Variants in HIP1 observed in about 807,000 individuals in gnomAD.
HIP1 encodes huntingtin-interacting protein 1.
HIP1 carries 65 observed loss-of-function variants against 147.6 expected under a neutral mutation model. That is an observed-to-expected ratio of 0.44 (90% CI 0.36 to 0.54). HIP1 has a LOEUF of 0.54. Ranked by LOEUF, HIP1 falls within the 20% of genes least tolerant of loss-of-function variation. The pLI, the probability that HIP1 is intolerant of heterozygous loss-of-function variation, is 0.00. For missense variants in HIP1, 1,061 were observed against 1,299.6 expected (o/e 0.82, Z 2.82); for synonymous variants, 479 against 504.0 (o/e 0.95, Z 0.67).
chr7:75,616,055 C>A (rs781902006), intron 1 of HIP1, among the ~76,000 whole-genome samples: 4 of 122,198 alleles, frequency 3.3e-5, no homozygotes, highest in Non-Finnish European at 6.3e-5. Context: ...CACTGCACTC[C>A]AGCCTGGGCG....
At chr7:75,713,135 C>A (rs2240139) in intron 1 of HIP1, among the ~76,000 whole-genome samples, 82,206 of 152,004 alleles carry the variant, frequency 0.54, 22,813 homozygotes, top group African/African-American at 0.65. Context: ...CTTGGAAGGG[C>A]ACAAAGTGAG....
Position 75,535,798 on chromosome 7 carries a change from G to C in HIP1, c.*2374C>G, listed in dbSNP as rs190999117. 1.2e-3 allele frequency: 206 copies of C among 170,400 alleles called. No homozygotes were observed. Among genetic ancestry groups the C allele is most frequent in the African/African-American group, 4.7e-3 (198 of 41,850 alleles). The allele number at this position is 170,400 out of a possible 1,614,324, so 10.6% of individuals were successfully genotyped here. A position where few individuals can be genotyped will look rare whatever the true frequency, so the allele number is the denominator to read the frequency against. On this transcript the variant is annotated 3_prime_UTR_variant, in exon 31 of 31. Transcript: ENST00000336926. ...GTGATCTCAGCTCACTGCAACCTCT[G>C]CCTCTGGGGTTCAGGTGATTCTCCT...
intron 1 of HIP1, among the ~76,000 whole-genome samples, chr7:75,660,797 C>G (rs1401736441): frequency 6.6e-6 from 1 of 152,108 alleles, no homozygotes; most frequent in Non-Finnish European, 1.5e-5. Context: ...AAAAAACCAA[C>G]AATACCGCCA....
At chr7:75,571,644 A>G (rs1554496654) in intron 8 of HIP1, among the ~76,000 whole-genome samples, 1 of 152,150 alleles carries the variant, frequency 6.6e-6, no homozygotes, top group Non-Finnish European at 1.5e-5. Flanking sequence ...GTGCAGTGGC[A>G]CAAACACAGC....
intron 1 of HIP1, among the ~76,000 whole-genome samples, chr7:75,703,840 C>T (rs1554519408): frequency 6.6e-6 from 1 of 152,136 alleles, no homozygotes; most frequent in East Asian, 1.9e-4. Flanking sequence ...ATGGGATAAA[C>T]AAATCAGCTC....
chr7:75,598,071 T>C (rs117449989), intron 2 of HIP1, among the ~76,000 whole-genome samples: 2,184 of 152,228 alleles, frequency 0.014, 109 homozygotes, highest in Admixed American at 0.085. Context: ...TTCACGAAGG[T>C]AGAGAGCCCC....
At chr7:75,700,368 C>G in intron 1 of HIP1, among the ~76,000 whole-genome samples, 1 of 152,238 alleles carries the variant, frequency 6.6e-6, no homozygotes, top group Middle Eastern at 3.4e-3. Flanking sequence ...ACTTGGGAAA[C>G]CTTTTCTGTG....
intron 1 of HIP1, among the ~76,000 whole-genome samples, chr7:75,664,881 A>G (rs537978919): frequency 1.3e-5 from 2 of 152,206 alleles, no homozygotes; most frequent in African/African-American, 4.8e-5. Flanking sequence ...TTGGCCTCCC[A>G]AAGTGCTGGG....
rs587722969 is a variant in HIP1 at position 75,611,786 on chromosome 7, A to G, written c.121-12539T>C. ...CTCCCCTGAAAGGGTGGCATTGTCCACCACTTCCTGACCCAGCAGGCCCTC... is the reference window on the plus strand; with the variant it reads ...CTCCCCTGAAAGGGTGGCATTGTCCGCCACTTCCTGACCCAGCAGGCCCTC... On this transcript the variant is annotated intron_variant, in intron 1 of 30. Coordinates refer to ENST00000336926, the MANE Select transcript of HIP1 (RefSeq NM_005338.7). The G allele has an allele frequency of 2.9e-6, 3 of 1,037,222 alleles. No homozygotes were observed. The East Asian group carries it at 1.8e-4, about 61-fold the overall frequency. The allele number at this position is 1,037,222 out of a possible 1,614,324, so 64.3% of individuals were successfully genotyped here.
rs1056641621 is a variant in HIP1 at position 75,539,356 on chromosome 7, C to T, written c.3028G>A (p.Glu1010Lys). 9 of 1,613,986 alleles carry T rather than the reference C, an allele frequency of 5.6e-6. No homozygotes were observed. The highest frequency in any genetic ancestry group is 3.3e-5 in the South Asian group (3 of 91,094). Residue 1010 changes from glutamate (E) to lysine (K), a missense_variant, in exon 30 of 31, where the codon GAG (glutamate) becomes AAG (lysine). Around this residue, in one of 3 missense-constraint regions of HIP1, gnomAD observed 810 missense variants for 946.8 expected, o/e 0.86. Coordinates refer to ENST00000336926, the MANE Select transcript of HIP1 (RefSeq NM_005338.7). ...CAGCCCTCAGCAACACCAGCAAGCT[C>T]GTAGTGCTTTTTCCGAAGCTCTCCC... The part of the protein sequence containing the change: ...KLGELRKKHY[E>K]LAGVAEGWEE...
Position 75,715,774 on chromosome 7 carries a change from C to CAAAAAAAAAAAA in HIP1, c.120+23015_120+23026dup, listed in dbSNP as rs34769081. ...TAGGCAACAGAGTGAGATCCTGTCTCAAAAAAAAAAAAAAAAAAAAAAAAA... is the reference window on the plus strand; with the variant it reads ...TAGGCAACAGAGTGAGATCCTGTCTCAAAAAAAAAAAAAAAAAAAAAAAAAAAAAAAAAAAAA... On this transcript the variant is annotated intron_variant, in intron 1 of 30. Transcript: ENST00000336926. 5.3e-3 allele frequency among the ~76,000 whole-genome samples: 196 copies of CAAAAAAAAAAAA among 36,702 alleles called. 19 individuals are homozygous for CAAAAAAAAAAAA. The highest frequency in any genetic ancestry group is 0.01 in the East Asian group (10 of 992). 24.1% of individuals were successfully genotyped at this position (36,702 alleles called of 152,430 possible). A position where few individuals can be genotyped will look rare whatever the true frequency, so the allele number is the denominator to read the frequency against.
chr7:75,686,629 C>G (rs1800270253), intron 1 of HIP1, among the ~76,000 whole-genome samples: 1 of 151,712 alleles, frequency 6.6e-6, no homozygotes, highest in Admixed American at 6.6e-5. Context: ...AACTGATGAC[C>G]ATTTATTTTC....
rs781844982 is a variant in HIP1, at chr7:75,548,982, A to G, written c.2315T>C (p.Leu772Pro). Reference sequence around the variant, plus strand: ...CCCCAGCTCCTCCTGCTTGATGTCCAGTCCCCTGGGCAGGAGCTCCTGTGA... The same window carrying G: ...CCCCAGCTCCTCCTGCTTGATGTCCGGTCCCCTGGGCAGGAGCTCCTGTGA... The part of the protein sequence containing the change: ...AIGEELLPRG[L>P]DIKQEELGDL... The change falls in exon 23 of 31, where the codon CTG becomes CCG. Residue 772 changes from leucine (L) to proline (P), a missense_variant. Physicochemically the swap from Leu to Pro is moderately conservative, Grantham distance 98 (BLOSUM62 -3). This residue lies in a region of HIP1 where 810 missense variants were observed against 946.8 expected (regional missense o/e 0.86). Transcript: ENST00000336926. 18 of 1,613,756 alleles carry G rather than the reference A, an allele frequency of 1.1e-5. No individual in the cohort carries two copies. The highest frequency in any genetic ancestry group is 1.7e-5 in the Admixed American group (1 of 60,000).
intron 1 of HIP1, among the ~76,000 whole-genome samples, chr7:75,695,016 G>A (rs984726134): frequency 3.9e-5 from 6 of 152,120 alleles, no homozygotes; most frequent in Non-Finnish European, 8.8e-5. Flanking sequence ...TTCTGAAATA[G>A]CACTGTCTTT....
rs531227552 is a variant in HIP1, at chr7:75,671,228, G to A, written c.120+67573C>T. The stretch of plus-strand genomic sequence containing the variant: ...CCTGCCTCAGCCTCCTGAGTAGCTG[G>A]TATTACAGGCACCCGCCACCATGCC... On this transcript the variant is annotated intron_variant, in intron 1 of 30. Transcript: ENST00000336926. 3.9e-5 allele frequency among the ~76,000 whole-genome samples: 6 copies of A among 152,160 alleles called. No individual in the cohort carries two copies. In the South Asian group the frequency reaches 1.2e-3, roughly 32 times the overall value.
In HIP1 at chr7:75,568,388, C is replaced by T; in HGVS notation, c.746-132G>A. 1.4e-6 allele frequency: 1 copy of T among 702,614 alleles called. No homozygotes were observed. The highest frequency in any genetic ancestry group is 2.6e-6 in the Non-Finnish European group (1 of 381,746). The allele number at this position is 702,614 out of a possible 1,614,324, so 43.5% of individuals were successfully genotyped here. A position where few individuals can be genotyped will look rare whatever the true frequency, so the allele number is the denominator to read the frequency against. On this transcript the variant is annotated intron_variant, in intron 8 of 30. Coordinates refer to ENST00000336926, the MANE Select transcript of HIP1 (RefSeq NM_005338.7). The surrounding 1 kb of genome is among the most constrained non-coding windows in gnomAD (Gnocchi z 4.1). ...CAGCACTGCCAGGGGCCACGACTGG[C>T]CTAGAGCTGTCCCGAGGTCTGGTAA... is the stretch of plus-strand genomic sequence containing the variant.
intron 1 of HIP1, among the ~76,000 whole-genome samples, chr7:75,684,062 T>A (rs1554517264): frequency 6.6e-6 from 1 of 151,818 alleles, no homozygotes; most frequent in African/African-American, 2.4e-5. Context: ...GAGGATTGCA[T>A]GAGACCAGGA....
chr7:75,600,275 T>C (rs1584861892), intron 1 of HIP1, among the ~76,000 whole-genome samples: 1 of 152,162 alleles, frequency 6.6e-6, no homozygotes, highest in East Asian at 1.9e-4. Flanking sequence ...CATGCCCAAC[T>C]AATTTTTGTA....
chr7:75,618,625 C>T (rs587727143), intron 1 of HIP1, among the ~76,000 whole-genome samples: 56 of 152,218 alleles, frequency 3.7e-4, no homozygotes, highest in African/African-American at 1.2e-3. Context: ...AGTTTTGTCT[C>T]TTCTCTTTTA....
Sources: allele counts gnomAD v4.1 joint callset (sites outside exome capture counted in the v4.1 genomes callset), GRCh38; gene constraint gnomAD v4.1.1; regional missense constraint gnomAD v4.1.1; non-coding constraint Gnocchi (gnomAD v3.1); transcripts MANE v1.5; gene names NCBI Gene and HGNC (gene_info 2026-07-23, HGNC 2026-07-21).